Variants in DLGAP1 observed in about 807,000 individuals in gnomAD.
The protein encoded by DLGAP1 is disks large-associated protein 1.
Under a neutral mutation model 90.8 loss-of-function variants are expected in DLGAP1, and 11 were observed. The observed-to-expected ratio is 0.12, with a 90% CI of 0.08 to 0.20. The LOEUF is 0.20. Among genes scored for constraint, DLGAP1 ranks in the 10% least tolerant of loss-of-function variants. The probability of loss-of-function intolerance (pLI) is 1.00; values close to 1 mark genes in which losing one functional copy is unlikely to be tolerated. For synonymous variants in DLGAP1, 558 were observed against 540.7 expected, an observed-to-expected ratio of 1.03 and a Z score of -0.44; for missense variants, 1,050 against 1,333.8, an observed-to-expected ratio of 0.79 and a Z score of 3.31.
At chr18:3,535,532 C>A (rs1033895191) in intron 9 of DLGAP1, among the ~76,000 whole-genome samples, 1 of 149,518 alleles carries the variant, frequency 6.7e-6, no homozygotes, top group African/African-American at 2.5e-5. Context: ...ACGGTGAAAC[C>A]CCGTATCTAC....
chr18:4,336,470 A>G (rs2143794028), intron 1 of DLGAP1, among the ~76,000 whole-genome samples: 1 of 152,330 alleles, frequency 6.6e-6, no homozygotes, highest in African/African-American at 2.4e-5. Flanking sequence ...AATGAGGCCC[A>G]AAGATGCTGG....
At chr18:3,557,908 C>A (rs930166467) in intron 9 of DLGAP1, among the ~76,000 whole-genome samples, 1 of 147,944 alleles carries the variant, frequency 6.8e-6, no homozygotes, top group Non-Finnish European at 1.5e-5. Flanking sequence ...GCCTGGGGGA[C>A]AAGAGTGAGA....
intron 4 of DLGAP1, among the ~76,000 whole-genome samples, chr18:3,844,060 T>A (rs2068868096): frequency 6.6e-6 from 1 of 152,194 alleles, no homozygotes; most frequent in Admixed American, 6.5e-5. Flanking sequence ...GATTGTGGTG[T>A]TTAAAGGCTT....
At chr18:3,992,828 C>T (rs2149055267) in intron 3 of DLGAP1, among the ~76,000 whole-genome samples, 1 of 152,188 alleles carries the variant, frequency 6.6e-6, no homozygotes, top group Admixed American at 6.5e-5. Flanking sequence ...GGTTATTTGG[C>T]TAATAGGGGG....
At chr18:3,531,999 C>T (rs190138517) in intron 10 of DLGAP1, among the ~76,000 whole-genome samples, 2 of 151,954 alleles carry the variant, frequency 1.3e-5, no homozygotes, top group Non-Finnish European at 2.9e-5. Flanking sequence ...GGATTACAGG[C>T]GTGTGCCATT....
intron 1 of DLGAP1, among the ~76,000 whole-genome samples, chr18:4,211,512 C>A (rs561877057): frequency 2.0e-5 from 3 of 152,010 alleles, no homozygotes; most frequent in Non-Finnish European, 4.4e-5. Flanking sequence ...GAGAGTGATA[C>A]CAATTGATGT....
chr18:3,910,463 ATTTTC>A (rs1299243375), intron 3 of DLGAP1, among the ~76,000 whole-genome samples: 88 of 152,248 alleles, frequency 5.8e-4, no homozygotes, highest in African/African-American at 2.1e-3. Context: ...TGAGACCAAA[ATTTTC>A]ATCCATTAAA....
chr18:3,921,471 T>A (rs1455519661), intron 3 of DLGAP1, among the ~76,000 whole-genome samples: 1 of 152,208 alleles, frequency 6.6e-6, no homozygotes, highest in African/African-American at 2.4e-5. Flanking sequence ...AGGTTTGAAG[T>A]CTGGCTCTAT....
At position 4,010,343 on chromosome 18, in the gene DLGAP1, A is replaced by G. The variant is rs934349402; in HGVS notation, c.-158-5142T>C. Among the ~76,000 whole-genome samples, 3 of 152,058 alleles carry G rather than the reference A, an allele frequency of 2.0e-5. No homozygotes were observed. In the East Asian group the frequency reaches 5.8e-4, roughly 30 times the overall value. On this transcript the variant is annotated intron_variant, in intron 2 of 12. Transcript: ENST00000315677. ...GAGGATTGCTAGAGCGTATGAGTTC[A>G]AGACCAGTCTGAACAACATGGGAAG...
intron 3 of DLGAP1, among the ~76,000 whole-genome samples, chr18:3,921,358 T>C (rs2148911897): frequency 6.6e-6 from 1 of 152,294 alleles, no homozygotes; most frequent in South Asian, 2.1e-4. Context: ...CAGAGCATGA[T>C]GGTAAAATCA....
intron 10 of DLGAP1, among the ~76,000 whole-genome samples, chr18:3,511,963 G>A (rs1467337909): frequency 6.6e-6 from 1 of 152,138 alleles, no homozygotes; most frequent in African/African-American, 2.4e-5. Flanking sequence ...CACCAGCACA[G>A]TAGCACCCAT....
intron 4 of DLGAP1, among the ~76,000 whole-genome samples, chr18:3,827,377 G>C (rs570488895): frequency 6.6e-6 from 1 of 152,188 alleles, no homozygotes; most frequent in Non-Finnish European, 1.5e-5. Flanking sequence ...GTCGGTCCTG[G>C]AAGCTGAGTG....
chr18:3,790,791 A>G (rs531760095), intron 5 of DLGAP1, among the ~76,000 whole-genome samples: 68 of 152,244 alleles, frequency 4.5e-4, no homozygotes, highest in Non-Finnish European at 3.8e-4. Context: ...GGCGGCAGGC[A>G]GTGGGGAAGG....
At chr18:4,151,920 T>C (rs2076681363) in intron 1 of DLGAP1, among the ~76,000 whole-genome samples, 1 of 152,196 alleles carries the variant, frequency 6.6e-6, no homozygotes, top group Non-Finnish European at 1.5e-5. Context: ...GGCACATGTA[T>C]ACCTATGTAA....
chr18:4,097,335 C>A (rs766476573), intron 2 of DLGAP1, among the ~76,000 whole-genome samples: 1 of 152,240 alleles, frequency 6.6e-6, no homozygotes, highest in Non-Finnish European at 1.5e-5. Flanking sequence ...TCCCCATTTA[C>A]ATCTGTCTCA....
intron 7 of DLGAP1, among the ~76,000 whole-genome samples, chr18:3,599,932 T>C (rs2056804737): frequency 6.6e-6 from 1 of 151,844 alleles, no homozygotes; most frequent in Admixed American, 6.6e-5. Flanking sequence ...TTTTTTTTTT[T>C]TTAAAGAGAC....
At chr18:4,285,233 G>GAA (rs2079658425) in intron 1 of DLGAP1, among the ~76,000 whole-genome samples, 3 of 152,116 alleles carry the variant, frequency 2.0e-5, no homozygotes, top group Non-Finnish European at 2.9e-5. Context: ...TACACCCAGA[G>GAA]AAAAGTTCAC....
intron 7 of DLGAP1, among the ~76,000 whole-genome samples, chr18:3,728,300 T>TTATATATATATATATATA (rs200480157): frequency 3.2e-5 from 4 of 123,660 alleles, no homozygotes; most frequent in African/African-American, 1.4e-4. Flanking sequence ...AACGCAAATG[T>TTATATATATATATATATA]TATATATATA....
At chr18:3,658,599 T>C (rs1328323439) in intron 7 of DLGAP1, among the ~76,000 whole-genome samples, 1 of 152,224 alleles carries the variant, frequency 6.6e-6, no homozygotes, top group African/African-American at 2.4e-5. Flanking sequence ...ACCTTAGAGA[T>C]AACAGTCATT....
Sources: gnomAD v4.1 joint callset for allele counts (sites outside exome capture counted in the v4.1 genomes callset) on GRCh38, gnomAD v4.1.1 for gene constraint, MANE v1.5 for transcripts, NCBI Gene and HGNC (gene_info 2026-07-23, HGNC 2026-07-21) for gene names.